The following SLC2A12 variants were observed in gnomAD, a reference collection of about 807,000 sequenced individuals.
SLC2A12 encodes the protein solute carrier family 2 member 12.
In SLC2A12, 23 loss-of-function variants were observed where a neutral mutation model predicts 41.8. That is an observed-to-expected ratio of 0.55 (90% CI 0.40 to 0.78). The LOEUF (loss-of-function observed/expected upper bound fraction) is 0.78. Ranked by LOEUF, SLC2A12 falls within the 30% of genes least tolerant of loss-of-function variation. The pLI is 0.00. For missense variants in SLC2A12, 654 were observed against 745.6 expected (o/e 0.88, Z 1.43); for synonymous variants, 295 against 285.9 (o/e 1.03, Z -0.32).
intron 3 of SLC2A12, among the ~76,000 whole-genome samples, chr6:134,002,545 C>T (rs1435867349): frequency 6.6e-6 from 1 of 152,114 alleles, no homozygotes; most frequent in Non-Finnish European, 1.5e-5. Flanking sequence ...GCCATGGTAG[C>T]AGTTTAGTTT....
At chr6:134,004,332 T>C (rs182821926) in intron 3 of SLC2A12, among the ~76,000 whole-genome samples, 15 of 152,316 alleles carry the variant, frequency 9.8e-5, no homozygotes, top group Admixed American at 9.8e-4. Flanking sequence ...CTTGAGCTAC[T>C]TCTCAAAAGG....
chr6:134,005,763 T>C (rs1410289406), intron 3 of SLC2A12, among the ~76,000 whole-genome samples: 1 of 150,924 alleles, frequency 6.6e-6, no homozygotes, highest in Non-Finnish European at 1.5e-5. Context: ...AGTTTGTTAT[T>C]ATTACAAGCA....
chr6:133,995,478 A>G (rs928399518), intron 4 of SLC2A12, among the ~76,000 whole-genome samples: 2 of 152,140 alleles, frequency 1.3e-5, no homozygotes, highest in African/African-American at 4.8e-5. Flanking sequence ...AAGCAAGGCC[A>G]TCAGTGAGGA....
At chr6:134,038,516 C>T (rs1777336374) in intron 1 of SLC2A12, among the ~76,000 whole-genome samples, 1 of 150,394 alleles carries the variant, frequency 6.6e-6, no homozygotes, top group African/African-American at 2.4e-5. Flanking sequence ...TGTGGGCCAC[C>T]ACACCCCCTA....
chr6:134,005,732 G>A (rs1776805478), intron 3 of SLC2A12, among the ~76,000 whole-genome samples: 1 of 136,944 alleles, frequency 7.3e-6, no homozygotes, highest in Non-Finnish European at 1.5e-5. Context: ...TAAATTTGAT[G>A]AGATCCCTTT....
intron 2 of SLC2A12, among the ~76,000 whole-genome samples, chr6:134,025,276 C>T (rs1345572222): frequency 6.6e-6 from 1 of 152,176 alleles, no homozygotes; most frequent in African/African-American, 2.4e-5. Flanking sequence ...TGTTGAATTT[C>T]AGAAGATAAA....
At chr6:134,027,114 A>G (rs1224581971) in intron 2 of SLC2A12, among the ~76,000 whole-genome samples, 2 of 152,152 alleles carry the variant, frequency 1.3e-5, no homozygotes, top group East Asian at 1.9e-4. Flanking sequence ...TTCACCTACA[A>G]TCTCCCTGAA....
intron 1 of SLC2A12, among the ~76,000 whole-genome samples, chr6:134,034,584 A>T (rs1332886396): frequency 6.6e-6 from 1 of 152,214 alleles, no homozygotes; most frequent in Non-Finnish European, 1.5e-5. Flanking sequence ...CCATGACAAG[A>T]GCAAGATGCT....
intron 2 of SLC2A12, among the ~76,000 whole-genome samples, chr6:134,027,509 AAG>A: frequency 6.6e-6 from 1 of 152,170 alleles, no homozygotes. Flanking sequence ...ATAAAAGAGA[AAG>A]AGAGAGAGAG....
At chr6:134,005,524 G>T (rs1237646241) in intron 3 of SLC2A12, among the ~76,000 whole-genome samples, 1 of 151,598 alleles carries the variant, frequency 6.6e-6, no homozygotes, top group African/African-American at 2.4e-5. Context: ...GCCAGGCTTG[G>T]TGGTGCGCAC....
chr6:134,028,617 G>A lies in SLC2A12; in HGVS notation c.1208C>T (p.Thr403Ile). 1.9e-6 allele frequency: 3 copies of A among 1,614,220 alleles called. No individual in the cohort carries two copies. The highest frequency in any genetic ancestry group is 2.5e-6 in the Non-Finnish European group (3 of 1,180,024). ...AATCCCTTTGAAGTGGTCTCTGAGA[G>A]TATTGTTGTTGGTTGACAGGTTTCC... is the stretch of plus-strand genomic sequence containing the variant. ...GPGNLSTNNN[T>I]LRDHFKGISS... is the part of the protein sequence containing the mutation. The change falls in exon 2 of 5, where the codon ACT becomes ATT. Residue 403 changes from threonine to isoleucine, a missense_variant. Thr to Ile is a moderately conservative substitution (Grantham distance 89). Transcript: ENST00000275230.
intron 4 of SLC2A12, among the ~76,000 whole-genome samples, chr6:133,996,867 T>C (rs1296730359): frequency 6.6e-6 from 1 of 152,116 alleles, no homozygotes; most frequent in Non-Finnish European, 1.5e-5. Flanking sequence ...GTTTAACGTA[T>C]ACCCTTTAGA....
intron 2 of SLC2A12, among the ~76,000 whole-genome samples, chr6:134,016,856 T>A (rs1348871530): frequency 6.6e-6 from 1 of 152,246 alleles, no homozygotes; most frequent in African/African-American, 2.4e-5. Flanking sequence ...AAGGCTGAGA[T>A]AATCTATTGA....
At chr6:134,015,327 G>C (rs1331561091) in intron 2 of SLC2A12, among the ~76,000 whole-genome samples, 1 of 152,126 alleles carries the variant, frequency 6.6e-6, no homozygotes, top group African/African-American at 2.4e-5. Flanking sequence ...TGTGTGGGGG[G>C]AAGGAGAGCA....
chr6:134,011,395 G>T (rs1264602735), intron 2 of SLC2A12, among the ~76,000 whole-genome samples: 3 of 152,006 alleles, frequency 2.0e-5, no homozygotes, highest in African/African-American at 7.2e-5. Context: ...GTCGAGGCAG[G>T]TGGATCGCTT....
intron 1 of SLC2A12, among the ~76,000 whole-genome samples, chr6:134,051,276 G>A (rs545861108): frequency 4.1e-4 from 62 of 152,206 alleles, no homozygotes; most frequent in African/African-American, 1.4e-3. Context: ...GGACATGGAA[G>A]ATGGAGGGCT....
Position 133,991,428 on chromosome 6 carries a change from A to G in SLC2A12, c.1701-120T>C, listed in dbSNP as rs1029172477. On this transcript the variant is annotated intron_variant, in intron 4 of 4. Transcript: ENST00000275230. ...ATGTTTTAGCTATGCAAAAATAAAT[A>G]CACATTTTTATTAGGAATCCTGCTG... 2.3e-4 allele frequency: 255 copies of G among 1,105,514 alleles called. 1 individual carries two copies. The highest frequency in any genetic ancestry group is 1.2e-3 in the Middle Eastern group (4 of 3,266). The allele number at this position is 1,105,514 out of a possible 1,614,324, so 68.5% of individuals were successfully genotyped here.
intron 1 of SLC2A12, among the ~76,000 whole-genome samples, chr6:134,044,325 T>TA (rs1483481891): frequency 2.0e-5 from 3 of 152,238 alleles, no homozygotes; most frequent in Non-Finnish European, 4.4e-5. Flanking sequence ...TCTGGCATCA[T>TA]ATCTGATTCC....
At chr6:134,040,067 T>TG (rs1314344081) in intron 1 of SLC2A12, among the ~76,000 whole-genome samples, 2 of 149,990 alleles carry the variant, frequency 1.3e-5, no homozygotes, top group Non-Finnish European at 3.0e-5. Context: ...TGTTTTTTTT[T>TG]TTTTGTTTTT....
Sources: allele counts gnomAD v4.1 joint callset (sites outside exome capture counted in the v4.1 genomes callset), GRCh38; gene constraint gnomAD v4.1.1; transcripts MANE v1.5; gene names NCBI Gene and HGNC (gene_info 2026-07-23, HGNC 2026-07-21).